SERAC1: variants seen among roughly 807,000 people sequenced by gnomAD.
The protein encoded by SERAC1 is protein SERAC1.
SERAC1 carries 36 observed loss-of-function variants against 85.7 expected under a neutral mutation model. That is an observed-to-expected ratio of 0.42 (90% CI 0.32 to 0.55). The LOEUF (loss-of-function observed/expected upper bound fraction) is 0.55, where lower values mean the gene tolerates loss of function less well. SERAC1 is among the 20% of genes least tolerant of loss of function. The pLI is 0.11. For synonymous variants in SERAC1, 242 were observed against 265.3 expected (o/e 0.91, Z 0.85); for missense variants, 629 against 796.2 (o/e 0.79, Z 2.53).
At chr6:158,143,270 G>A in intron 7 of SERAC1, 86 bp from the exon 8 acceptor site, 8 of 1,495,852 alleles carry the variant, frequency 5.3e-6, no homozygotes, top group Non-Finnish European at 7.2e-6. Flanking sequence ...GCCAATATTT[G>A]CCATATATAT....
chr6:158,124,720 G>A (rs1243711476), intron 10 of SERAC1, among the ~76,000 whole-genome samples: 1 of 150,858 alleles, frequency 6.6e-6, no homozygotes, highest in Admixed American at 6.7e-5. Context: ...CCAGAAGAGA[G>A]TGGAATGACA....
intron 15 of SERAC1, chr6:158,114,404 G>T (rs1019384083): frequency 1.2e-6 from 1 of 806,034 alleles, no homozygotes; most frequent in Non-Finnish European, 1.5e-6. Flanking sequence ...TCAAACCAGA[G>T]TACTTTAAAA....
chr6:158,134,844 C>T (rs763675974), intron 8 of SERAC1, among the ~76,000 whole-genome samples: 31 of 152,054 alleles, frequency 2.0e-4, no homozygotes, highest in Admixed American at 6.6e-5. Context: ...CTCCTAAAAT[C>T]GTGTATTAAT....
intron 7 of SERAC1, among the ~76,000 whole-genome samples, chr6:158,143,913 T>C (rs971622568): frequency 5.9e-5 from 9 of 152,144 alleles, no homozygotes. Context: ...CCAGGGATGC[T>C]ACTACACACC....
In SERAC1 at chr6:158,117,982, T is replaced by C. The variant is rs1784332257; in HGVS notation, c.1309-161A>G. ...CGTAAAAACAATTCCAGCACTATCT[T>C]TTCAAGTCTCTGGTCTCGAAGTGGT... On this transcript the variant is annotated intron_variant, in intron 12 of 16. Coordinates refer to ENST00000647468, the MANE Select transcript of SERAC1 (RefSeq NM_032861.4). The surrounding 1 kb of genome is among the most constrained non-coding windows in gnomAD (Gnocchi z 4.3). 6.6e-6 allele frequency among the ~76,000 whole-genome samples: 1 copy of C among 152,230 alleles called. No individual in the cohort carries two copies. Among genetic ancestry groups the C allele is most frequent in the African/African-American group, 2.4e-5 (1 of 41,464 alleles).
chr6:158,115,090 A>G, intron 14 of SERAC1, 119 bp from the exon 15 acceptor site: 1 of 1,117,588 alleles, frequency 8.9e-7, no homozygotes, highest in Non-Finnish European at 1.3e-6. Context: ...TTTTAAAAAA[A>G]ATGGTTTAAA....
At chr6:158,154,084 CA>C (rs141605484) in intron 3 of SERAC1, among the ~76,000 whole-genome samples, 5,191 of 143,658 alleles carry the variant, frequency 0.036, 292 homozygotes, top group African/African-American at 0.13. Flanking sequence ...CACCTGAACC[CA>C]GGGGGCAGAG....
intron 3 of SERAC1, among the ~76,000 whole-genome samples, chr6:158,153,491 T>C (rs1785254818): frequency 6.6e-6 from 1 of 152,120 alleles, no homozygotes; most frequent in African/African-American, 2.4e-5. Context: ...ATTACATACC[T>C]TCTGATAGTA....
At position 158,143,118 on chromosome 6, in the gene SERAC1, A is replaced by G. The variant is rs776681166; in HGVS notation, c.676T>C (p.Cys226Arg). 3.7e-6 allele frequency: 6 copies of G among 1,613,290 alleles called. No individual in the cohort carries two copies. The highest frequency in any genetic ancestry group is 1.6e-4 in the Middle Eastern group (1 of 6,084). ...ASLPQTELDE[C>R]IQYFTSLALS... is the part of the protein sequence containing the mutation. ...GCCAAAGATGTAAAATACTGGATAC[A>G]CTCATCTAGCTCTGTTTGAGGTAAG... The change falls in exon 8 of 17, where the codon TGT becomes CGT. Residue 226 changes from cysteine to arginine, a missense_variant. Physicochemically the swap from Cys to Arg is radical, Grantham distance 180 (BLOSUM62 -3). Transcript: ENST00000647468.
At position 158,110,590 on chromosome 6, in the gene SERAC1, T is replaced by C. The variant is rs1293978980; in HGVS notation, c.*776A>G. 1.3e-5 allele frequency: 2 copies of C among 152,186 alleles called. No homozygotes were observed. The highest frequency in any genetic ancestry group is 2.9e-5 in the Non-Finnish European group (2 of 68,026). 9.4% of individuals were successfully genotyped at this position (152,186 alleles called of 1,614,324 possible). ...GAAAGGTTTATTTAGCCAAAGAGAATCTGAGAATCTTGATACTAAGAATTG... is the reference window on the plus strand; with the variant it reads ...GAAAGGTTTATTTAGCCAAAGAGAACCTGAGAATCTTGATACTAAGAATTG... On this transcript the variant is annotated 3_prime_UTR_variant, in exon 17 of 17. Coordinates refer to ENST00000647468, the MANE Select transcript of SERAC1 (RefSeq NM_032861.4).
At chr6:158,157,552 G>T (rs2070752101) in intron 2 of SERAC1, among the ~76,000 whole-genome samples, 1 of 152,150 alleles carries the variant, frequency 6.6e-6, no homozygotes, top group Admixed American at 6.5e-5. Flanking sequence ...ACAGTAGATG[G>T]TCAATTAAAT....
At chr6:158,162,120 G>A (rs548853886) in intron 1 of SERAC1, 3 of 152,152 alleles carry the variant, frequency 2.0e-5, no homozygotes, top group Non-Finnish European at 4.4e-5. Flanking sequence ...TTCTTTCAAG[G>A]CAGTTGTCTC....
At chr6:158,134,434 A>G (rs966033052) in intron 8 of SERAC1, among the ~76,000 whole-genome samples, 1 of 152,238 alleles carries the variant, frequency 6.6e-6, no homozygotes, top group African/African-American at 2.4e-5. Flanking sequence ...CCAAAAAATA[A>G]GCAAGAACTC....
intron 8 of SERAC1, among the ~76,000 whole-genome samples, chr6:158,138,248 C>T (rs1440153831): frequency 1.3e-5 from 2 of 152,062 alleles, no homozygotes. Context: ...GCCTGACCAA[C>T]ATGGTGAAAC....
At position 158,143,124 on chromosome 6, in the gene SERAC1, C is replaced by G; in HGVS notation, c.670G>C (p.Asp224His). Reference protein sequence around the residue: ...LLASLPQTELDECIQYFTSLA... With the variant: ...LLASLPQTELHECIQYFTSLA... ...GATGTAAAATACTGGATACACTCAT[C>G]TAGCTCTGTTTGAGGTAAGGAAGCC... Residue 224 changes from aspartate (D) to histidine (H), a missense_variant, in exon 8 of 17, where the codon GAT becomes CAT. Coordinates refer to ENST00000647468, the MANE Select transcript of SERAC1 (RefSeq NM_032861.4). 6.2e-7 allele frequency: 1 copy of G among 1,613,688 alleles called. No homozygotes were observed. The highest frequency in any genetic ancestry group is 1.3e-5 in the African/African-American group (1 of 75,006).
chr6:158,162,976 G>A (rs1403746279), intron 1 of SERAC1, among the ~76,000 whole-genome samples: 1 of 152,314 alleles, frequency 6.6e-6, no homozygotes, highest in African/African-American at 2.4e-5. Context: ...GACTTGGGAA[G>A]TACGTGCACA....
chr6:158,113,622 C>G, intron 15 of SERAC1, 30 bp from the exon 16 acceptor site: 1 of 1,570,872 alleles, frequency 6.4e-7, no homozygotes, highest in Non-Finnish European at 8.7e-7. Context: ...AAGACTGTGA[C>G]AAGTTGTTTA....
At chr6:158,163,498 T>A (rs1200997643) in intron 1 of SERAC1, among the ~76,000 whole-genome samples, 1 of 152,124 alleles carries the variant, frequency 6.6e-6, no homozygotes, top group Admixed American at 6.5e-5. Flanking sequence ...ACAAATCAAC[T>A]GACTATATCT....
In SERAC1 at chr6:158,168,243, G is replaced by C. The variant is rs1231889307; in HGVS notation, c.-105C>G. 1 of 152,350 alleles carries C rather than the reference G, an allele frequency of 6.6e-6. No individual in the cohort carries two copies. The highest frequency in any genetic ancestry group is 6.5e-5 in the Admixed American group (1 of 15,286). 9.4% of individuals were successfully genotyped at this position (152,350 alleles called of 1,614,324 possible). A position where few individuals can be genotyped will look rare whatever the true frequency, so the allele number is the denominator to read the frequency against. On this transcript the variant is annotated 5_prime_UTR_variant, in exon 1 of 17. Transcript: ENST00000647468. ...TCCCGGCCGGGACCCTCCACCCGGC[G>C]GCTGGCGGCTCGTGACCCCGCCCCC...
Sources: allele counts gnomAD v4.1 joint callset (sites outside exome capture counted in the v4.1 genomes callset), GRCh38; gene constraint gnomAD v4.1.1; non-coding constraint Gnocchi (gnomAD v3.1); transcripts MANE v1.5; gene names NCBI Gene and HGNC (gene_info 2026-07-23, HGNC 2026-07-21).